Variants in LCP1 observed in about 807,000 individuals in gnomAD.
LCP1 encodes lymphocyte cytosolic protein 1, also known as plastin-2.
LCP1 carries 23 observed loss-of-function variants against 72.0 expected under a neutral mutation model. That is an observed-to-expected ratio of 0.32 (90% CI 0.23 to 0.45). The LOEUF (loss-of-function observed/expected upper bound fraction) is 0.45. LCP1 is among the 20% of genes least tolerant of loss of function. The pLI is 1.00. For missense variants in LCP1, 571 were observed against 748.3 expected (o/e 0.76, Z 2.76); for synonymous variants, 245 against 275.4 (o/e 0.89, Z 1.09).
intron 11 of LCP1, 81 bp downstream of exon 11, chr13:46,144,361 C>T: frequency 4.8e-6 from 5 of 1,051,660 alleles, no homozygotes; most frequent in Admixed American, 3.8e-5. Context: ...GAAGAGAATG[C>T]ACATCATAGT....
intron 1 of LCP1, among the ~76,000 whole-genome samples, chr13:46,160,254 C>T (rs2045829851): frequency 1.3e-5 from 2 of 152,192 alleles, no homozygotes; most frequent in Admixed American, 1.3e-4. Context: ...TAGATGACCA[C>T]ATTCCCAGCC....
chr13:46,176,296 A>G (rs536045359), intron 1 of LCP1, among the ~76,000 whole-genome samples: 1 of 152,360 alleles, frequency 6.6e-6, no homozygotes, highest in East Asian at 1.9e-4. Flanking sequence ...GTATTGAAAC[A>G]TTACTAGGTA....
Position 46,128,719 on chromosome 13 carries a change from T to C in LCP1, c.1752-996A>G, listed in dbSNP as rs2045616513. The stretch of plus-strand genomic sequence containing the variant: ...ATAATATAGAGTAGCCAGAGATTTA[T>C]ATTCCATATTTTCACATAGAATGAT... On this transcript the variant is annotated intron_variant, in intron 15 of 15. Transcript: ENST00000323076. 3.3e-5 allele frequency among the ~76,000 whole-genome samples: 5 copies of C among 152,384 alleles called. No individual in the cohort carries two copies. In the South Asian group the frequency reaches 1.0e-3, roughly 32 times the overall value.
intron 2 of LCP1, 199 bp downstream of exon 2, chr13:46,159,400 A>G (rs1031871996): frequency 2.9e-5 from 17 of 594,044 alleles, no homozygotes; most frequent in African/African-American, 5.6e-5. Flanking sequence ...AGTAGAGTCC[A>G]TATTCCATGT....
chr13:46,133,695 AAAAATT>A (rs2045646772), intron 14 of LCP1, among the ~76,000 whole-genome samples: 1 of 151,662 alleles, frequency 6.6e-6, no homozygotes, highest in Admixed American at 6.6e-5. Flanking sequence ...TTAAAAATAT[AAAAATT>A]AAAATTAAAA....
In LCP1 at chr13:46,146,969, A is replaced by C; in HGVS notation, c.1113T>G (p.Phe371Leu). 1 of 1,614,114 alleles carries C rather than the reference A, an allele frequency of 6.2e-7. No individual in the cohort carries two copies. The highest frequency in any genetic ancestry group is 8.5e-7 in the Non-Finnish European group (1 of 1,180,006). Residue 371 changes from phenylalanine to leucine, a missense_variant, in exon 10 of 16, where the codon TTT becomes TTG. Physicochemically the swap from Phe to Leu is conservative, Grantham distance 22 (BLOSUM62 0). Coordinates refer to ENST00000323076, the MANE Select transcript of LCP1 (RefSeq NM_002298.5). ...GTTTGTGCAGGGCAGGGTATCTGTTAAAGAGGTTGGCAATAAAAGCCAAGT... is the reference window on the plus strand; with the variant it reads ...GTTTGTGCAGGGCAGGGTATCTGTTCAAGAGGTTGGCAATAAAAGCCAAGT... ...KLNLAFIANL[F>L]NRYPALHKPE...
chr13:46,140,936 G>A (rs532510570), intron 13 of LCP1, among the ~76,000 whole-genome samples: 1 of 152,262 alleles, frequency 6.6e-6, no homozygotes, highest in East Asian at 1.9e-4. Flanking sequence ...AATCACTAAA[G>A]CATCGGTGAG....
chr13:46,151,795 G>A (rs1428946673), intron 7 of LCP1, among the ~76,000 whole-genome samples: 1 of 152,268 alleles, frequency 6.6e-6, no homozygotes, highest in East Asian at 1.9e-4. Flanking sequence ...CTAAAGATTA[G>A]AACTTGACTA....
At position 46,126,258 on chromosome 13, in the gene LCP1, G is replaced by A; in HGVS notation, c.*1333C>T. On this transcript the variant is annotated 3_prime_UTR_variant, in exon 16 of 16. Transcript: ENST00000323076. ...ATGGAGCTTTTCACCATGATAGAGGGCGTCTTGCATTGGTTCACAATGGCC... is the reference window on the plus strand; with the variant it reads ...ATGGAGCTTTTCACCATGATAGAGGACGTCTTGCATTGGTTCACAATGGCC... 4.4e-6 allele frequency: 1 copy of A among 227,558 alleles called. No individual in the cohort carries two copies. The highest frequency in any genetic ancestry group is 8.7e-6 in the Non-Finnish European group (1 of 114,392). The allele number at this position is 227,558 out of a possible 1,614,324, so 14.1% of individuals were successfully genotyped here. A position where few individuals can be genotyped will look rare whatever the true frequency, so the allele number is the denominator to read the frequency against.
chr13:46,130,603 TC>T, intron 15 of LCP1, among the ~76,000 whole-genome samples: 1 of 139,530 alleles, frequency 7.2e-6, no homozygotes, highest in African/African-American at 2.6e-5. Context: ...TTTTTTTTTG[TC>T]TTGCTCCCAT....
At chr13:46,180,061 A>G (rs1435706834) in intron 1 of LCP1, among the ~76,000 whole-genome samples, 1 of 151,812 alleles carries the variant, frequency 6.6e-6, no homozygotes, top group East Asian at 1.9e-4. Flanking sequence ...TAGCTTCAGT[A>G]ATAAAAGTCT....
chr13:46,165,219 C>T (rs2045869527), intron 1 of LCP1, among the ~76,000 whole-genome samples: 1 of 151,776 alleles, frequency 6.6e-6, no homozygotes, highest in Non-Finnish European at 1.5e-5. Context: ...ACCAAAAATA[C>T]AAAAATTATC....
At chr13:46,179,739 G>T (rs1034027989) in intron 1 of LCP1, among the ~76,000 whole-genome samples, 2 of 151,802 alleles carry the variant, frequency 1.3e-5, no homozygotes, top group African/African-American at 4.8e-5. Flanking sequence ...CAAAATGTGG[G>T]TTAGCAGTGG....
chr13:46,158,328 G>A (rs574001539), intron 4 of LCP1, among the ~76,000 whole-genome samples, 194 bp downstream of exon 4: 7 of 152,260 alleles, frequency 4.6e-5, no homozygotes, highest in African/African-American at 1.7e-4. Context: ...AAATCATTTT[G>A]TATTGGACCC....
At chr13:46,178,443 G>A (rs1297400449) in intron 1 of LCP1, among the ~76,000 whole-genome samples, 1 of 152,092 alleles carries the variant, frequency 6.6e-6, no homozygotes, top group Non-Finnish European at 1.5e-5. Context: ...ATGCCATCTG[G>A]GGAACACCAC....
intron 1 of LCP1, among the ~76,000 whole-genome samples, chr13:46,181,201 A>G (rs1350677237): frequency 6.6e-6 from 1 of 152,212 alleles, no homozygotes; most frequent in Non-Finnish European, 1.5e-5. Flanking sequence ...CATCCTGATT[A>G]ATGTTCGCAT....
At chr13:46,159,247 G>T in intron 2 of LCP1, 1 of 525,912 alleles carries the variant, frequency 1.9e-6, no homozygotes, top group Non-Finnish European at 3.4e-6. Context: ...AACTCTTATA[G>T]AAACTCTTAA....
Position 46,168,149 on chromosome 13 carries a change from A to G in LCP1, c.-24-8463T>C, listed in dbSNP as rs1262530465. On this transcript the variant is annotated intron_variant, in intron 1 of 15. Coordinates refer to ENST00000323076, the MANE Select transcript of LCP1 (RefSeq NM_002298.5). ...GAAGGAAGTGCCAAGCTTGGCAGTC[A>G]GGAGACCTAGGCTGTGTAACTTTAG... Among the ~76,000 whole-genome samples the G allele has an allele frequency of 2.0e-5, 3 of 152,362 alleles. No homozygotes were observed. In the East Asian group the frequency reaches 5.8e-4, roughly 29 times the overall value.
chr13:46,144,084 A>G (rs1455702551), intron 11 of LCP1, among the ~76,000 whole-genome samples: 2 of 150,250 alleles, frequency 1.3e-5, no homozygotes, highest in Non-Finnish European at 3.0e-5. Context: ...AGAAATATTG[A>G]AAAAAAAAAG....
Sources: allele counts gnomAD v4.1 joint callset (sites outside exome capture counted in the v4.1 genomes callset), GRCh38; gene constraint gnomAD v4.1.1; transcripts MANE v1.5; gene names NCBI Gene and HGNC (gene_info 2026-07-23, HGNC 2026-07-21).